ABLIM1: variants seen among roughly 807,000 people sequenced by gnomAD.
The protein encoded by ABLIM1 is actin-binding LIM protein 1.
A neutral mutation model predicts 107.0 loss-of-function variants in ABLIM1; 40 were observed. The observed-to-expected ratio is 0.37, with a 90% confidence interval of 0.29 to 0.49. The LOEUF (loss-of-function observed/expected upper bound fraction) is 0.49, where lower values mean the gene tolerates loss of function less well. Ranked by LOEUF, ABLIM1 falls within the 20% of genes least tolerant of loss-of-function variation. The pLI is 0.97. For synonymous variants in ABLIM1, 357 were observed against 357.3 expected (o/e 1.00, Z 0.01); for missense variants, 857 against 1,008.5 (o/e 0.85, Z 2.04).
At chr10:114,595,984 C>T (rs374141889) in intron 2 of ABLIM1, among the ~76,000 whole-genome samples, 4 of 152,174 alleles carry the variant, frequency 2.6e-5, no homozygotes, top group Non-Finnish European at 5.9e-5. Context: ...AAACTGAACT[C>T]ATCTTTCTCC....
chr10:114,627,094 T>G (rs1005366472), intron 1 of ABLIM1, among the ~76,000 whole-genome samples: 3 of 152,190 alleles, frequency 2.0e-5, no homozygotes, highest in Non-Finnish European at 2.9e-5. Flanking sequence ...GGTACTTTGT[T>G]GCAGTGCCAC....
chr10:114,556,158 G>T (rs1483460367), intron 4 of ABLIM1, among the ~76,000 whole-genome samples: 4 of 152,220 alleles, frequency 2.6e-5, no homozygotes, highest in African/African-American at 9.6e-5. Flanking sequence ...TCATTCATTT[G>T]TTCCTAGAGA....
intron 1 of ABLIM1, among the ~76,000 whole-genome samples, chr10:114,745,556 T>C (rs2082366209): frequency 6.6e-6 from 1 of 152,078 alleles, no homozygotes; most frequent in South Asian, 2.1e-4. Context: ...AGCAAGACTC[T>C]GTCTCTAACA....
chr10:114,788,345 A>T, the ABLIM1 span, among the ~76,000 whole-genome samples: 67,586 of 110,672 alleles, frequency 0.61, 17,464 homozygotes, highest in Non-Finnish European at 0.64. Flanking sequence ...AAAAAAAAAA[A>T]AAATAAATAA....
At chr10:114,761,563 T>A (rs912425492) in intron 1 of ABLIM1, among the ~76,000 whole-genome samples, 1 of 152,138 alleles carries the variant, frequency 6.6e-6, no homozygotes, top group Admixed American at 6.5e-5. Flanking sequence ...TCCCTTCTCA[T>A]CCCTTTCTGC....
At chr10:114,773,952 A>C in the ABLIM1 span, among the ~76,000 whole-genome samples, 1 of 151,626 alleles carries the variant, frequency 6.6e-6, no homozygotes, top group Non-Finnish European at 1.5e-5. Context: ...AAATTTGTTT[A>C]CATAGAAATA....
intron 14 of ABLIM1, 132 bp from the exon 15 acceptor site, chr10:114,448,152 A>C: frequency 8.7e-7 from 1 of 1,152,714 alleles, no homozygotes; most frequent in Non-Finnish European, 1.2e-6. Context: ...TATTACCATT[A>C]TCCATGGCCC....
rs191391458 is a variant in ABLIM1 at position 114,475,703 on chromosome 10, G to A, written c.1042-1747C>T. On this transcript the variant is annotated intron_variant, in intron 8 of 22. Coordinates refer to ENST00000533213, the MANE Select transcript of ABLIM1 (RefSeq NM_002313.7). ...GCCTTTGGGAAGGATGAAAGAAACTGGACTTCATAGTATATACCTGAAGAA... is the reference window on the plus strand; with the variant it reads ...GCCTTTGGGAAGGATGAAAGAAACTAGACTTCATAGTATATACCTGAAGAA... Among the ~76,000 whole-genome samples the A allele has an allele frequency of 2.5e-4, 38 of 152,304 alleles. No homozygotes were observed. In the East Asian group the frequency reaches 6.6e-3, roughly 26 times the overall value.
At chr10:114,526,758 G>A in intron 6 of ABLIM1, 5 of 985,498 alleles carry the variant, frequency 5.1e-6, no homozygotes, top group Non-Finnish European at 6.0e-6. Context: ...AAGAGGCTTT[G>A]TAGATGCCAG....
intron 1 of ABLIM1, among the ~76,000 whole-genome samples, chr10:114,723,820 T>C (rs1364015630): frequency 6.6e-6 from 1 of 152,226 alleles, no homozygotes; most frequent in African/African-American, 2.4e-5. Context: ...AAATATGCAA[T>C]CTTTGTCTTG....
intron 1 of ABLIM1, among the ~76,000 whole-genome samples, chr10:114,666,181 G>C (rs1479760993): frequency 6.6e-6 from 1 of 152,158 alleles, no homozygotes; most frequent in African/African-American, 2.4e-5. Context: ...TCTATTGGCT[G>C]CCAAGACAGG....
chr10:114,496,175 A>G (rs2059639261), intron 6 of ABLIM1, among the ~76,000 whole-genome samples: 1 of 152,218 alleles, frequency 6.6e-6, no homozygotes, highest in Non-Finnish European at 1.5e-5. Flanking sequence ...TCACAAGATG[A>G]AGGGAAATTA....
chr10:114,603,076 A>G (rs7094673), intron 1 of ABLIM1, among the ~76,000 whole-genome samples: 108,679 of 152,140 alleles, frequency 0.71, 38,931 homozygotes, highest in East Asian at 0.83. Flanking sequence ...TGACATGAGC[A>G]TTATATGGGA....
chr10:114,492,248 A>AAAAATAAATGACC (rs2135143640), intron 6 of ABLIM1, among the ~76,000 whole-genome samples: 1 of 152,314 alleles, frequency 6.6e-6, no homozygotes, highest in African/African-American at 2.4e-5. Context: ...CAAACCAACC[A>AAAAATAAATGACC]AAAATAAATG....
intron 2 of ABLIM1, among the ~76,000 whole-genome samples, chr10:114,580,172 C>T (rs2073178540): frequency 6.8e-6 from 1 of 147,532 alleles, no homozygotes; most frequent in Admixed American, 6.8e-5. Flanking sequence ...CCTTTATAAC[C>T]CACTCCTTTA....
chr10:114,768,512 A>G (rs1399197975), upstream of ABLIM1, among the ~76,000 whole-genome samples: 1 of 152,098 alleles, frequency 6.6e-6, no homozygotes, highest in African/African-American at 2.4e-5. Context: ...AGAAAGCAAG[A>G]AAGGGCCGTT....
rs116643043 is a variant in ABLIM1 at position 114,618,848 on chromosome 10, T to G, written c.245-16887A>C. 5.2e-3 allele frequency among the ~76,000 whole-genome samples: 785 copies of G among 152,338 alleles called. 7 individuals carry two copies. The highest frequency in any genetic ancestry group is 0.018 in the African/African-American group (747 of 41,566). ...TCTTTGCCTACTTATTATGCAAAACTACCATATTAGTGTTGCCTCACTGTG... is the reference window on the plus strand; with the variant it reads ...TCTTTGCCTACTTATTATGCAAAACGACCATATTAGTGTTGCCTCACTGTG... On this transcript the variant is annotated intron_variant, in intron 1 of 22. Transcript: ENST00000533213.
rs372897736 is a variant in ABLIM1 at position 114,465,778 on chromosome 10, C to A, written c.1361G>T (p.Gly454Val). The A allele has an allele frequency of 6.2e-7, 1 of 1,614,074 alleles. No individual in the cohort carries two copies. The highest frequency in any genetic ancestry group is 1.7e-5 in the Admixed American group (1 of 60,006). The change falls in exon 12 of 23, where the codon GGC (glycine) becomes GTC (valine). Residue 454 changes from glycine to valine, a missense_variant. Gly to Val is a moderately radical substitution (Grantham distance 109, BLOSUM62 -3). Around this residue, in one of 5 missense-constraint regions of ABLIM1, gnomAD observed 381 missense variants for 506.9 expected, o/e 0.75. Transcript: ENST00000533213. Reference sequence around the variant, plus strand: ...GCTGTACACAGGGGAGTTGATGGAGCCCTGGCTCGTGGACCGATGGATCAT... The same window carrying A: ...GCTGTACACAGGGGAGTTGATGGAGACCTGGCTCGTGGACCGATGGATCAT... ...DRMIHRSTSQ[G>V]SINSPVYSRH...
chr10:114,576,946 C>G (rs1427128832), intron 2 of ABLIM1, among the ~76,000 whole-genome samples: 1 of 152,194 alleles, frequency 6.6e-6, no homozygotes, highest in Non-Finnish European at 1.5e-5. Flanking sequence ...CTCTCACCTG[C>G]CAACCTCTCC....
Sources: allele counts gnomAD v4.1 joint callset (sites outside exome capture counted in the v4.1 genomes callset), GRCh38; gene constraint gnomAD v4.1.1; regional missense constraint gnomAD v4.1.1; transcripts MANE v1.5; gene names NCBI Gene and HGNC (gene_info 2026-07-23, HGNC 2026-07-21).